Variants in JMJD1C observed in about 807,000 individuals in gnomAD.
JMJD1C encodes the protein jumonji domain containing 1C.
In JMJD1C, 31 loss-of-function variants were observed where a neutral mutation model predicts 245.3. The observed-to-expected ratio is 0.13, with a 90% confidence interval of 0.09 to 0.17. JMJD1C has a LOEUF of 0.17. JMJD1C is among the 10% of genes least tolerant of loss of function. The pLI, the probability that JMJD1C is intolerant of heterozygous loss-of-function variation, is 1.00. For missense variants in JMJD1C, 2,691 were observed against 3,000.2 expected (o/e 0.90, Z 2.41); for synonymous variants, 1,057 against 1,017.4 (o/e 1.04, Z -0.74).
intron 1 of JMJD1C, among the ~76,000 whole-genome samples, chr10:63,505,988 C>A (rs1954707264): frequency 6.6e-6 from 1 of 152,086 alleles, no homozygotes; most frequent in Non-Finnish European, 1.5e-5. Flanking sequence ...TTACTGGTAT[C>A]CACACATTCT....
intron 1 of JMJD1C, among the ~76,000 whole-genome samples, chr10:63,464,578 C>A (rs1953051750): frequency 1.3e-5 from 2 of 152,144 alleles, no homozygotes; most frequent in African/African-American, 2.4e-5. Flanking sequence ...CCGCCCCTTA[C>A]CTTCAAGCTG....
At chr10:63,343,061 T>TA (rs1197321801) in intron 2 of JMJD1C, among the ~76,000 whole-genome samples, 5 of 152,086 alleles carry the variant, frequency 3.3e-5, no homozygotes, top group Admixed American at 6.6e-5. Flanking sequence ...CAACCTGCAT[T>TA]AAAAAAATAA....
intron 1 of JMJD1C, among the ~76,000 whole-genome samples, chr10:63,384,851 C>A: frequency 6.6e-6 from 1 of 152,168 alleles, no homozygotes; most frequent in African/African-American, 2.4e-5. Flanking sequence ...ACTGGAGTAG[C>A]ACTTTTAATT....
chr10:63,418,444 T>C (rs1027455956), intron 1 of JMJD1C, among the ~76,000 whole-genome samples: 10 of 152,160 alleles, frequency 6.6e-5, no homozygotes, highest in African/African-American at 2.4e-4. Flanking sequence ...GCCACTAACA[T>C]CCAAATTTAT....
At chr10:63,385,818 A>G (rs766398610) in intron 1 of JMJD1C, among the ~76,000 whole-genome samples, 10 of 152,140 alleles carry the variant, frequency 6.6e-5, no homozygotes, top group African/African-American at 2.4e-4. Context: ...TAAAAAATGT[A>G]TATTTACTTA....
intron 1 of JMJD1C, among the ~76,000 whole-genome samples, chr10:63,385,649 T>A (rs1343045249): frequency 6.6e-6 from 1 of 151,832 alleles, no homozygotes; most frequent in Admixed American, 6.6e-5. Context: ...TCTTGCTATA[T>A]TGTTCAGGCT....
chr10:63,271,694 T>C (rs556944325), intron 2 of JMJD1C, among the ~76,000 whole-genome samples: 129 of 152,236 alleles, frequency 8.5e-4, no homozygotes, highest in African/African-American at 3.0e-3. Flanking sequence ...TGGGATTACA[T>C]GCATGCACCA....
intron 2 of JMJD1C, among the ~76,000 whole-genome samples, chr10:63,312,170 C>T (rs905964267): frequency 1.0e-4 from 15 of 147,186 alleles, no homozygotes; most frequent in Middle Eastern, 3.5e-3. Flanking sequence ...TGCAATGGCA[C>T]GATCTCGGCT....
chr10:63,186,509 C>T, intron 18 of JMJD1C, 126 bp from the exon 19 acceptor site: 2 of 643,492 alleles, frequency 3.1e-6, no homozygotes, highest in Admixed American at 7.2e-5. Context: ...CCTCATCATA[C>T]CTGACTGTCA....
intron 2 of JMJD1C, among the ~76,000 whole-genome samples, chr10:63,277,280 T>C (rs1210493902): frequency 2.7e-5 from 4 of 148,722 alleles, no homozygotes; most frequent in Non-Finnish European, 6.0e-5. Context: ...GCAACCGGCC[T>C]GAGCCACCGA....
chr10:63,410,719 A>G (rs1260139882), intron 1 of JMJD1C, among the ~76,000 whole-genome samples: 1 of 152,132 alleles, frequency 6.6e-6, no homozygotes, highest in Non-Finnish European at 1.5e-5. Context: ...ATTTTATTAT[A>G]ATACTCTATT....
At chr10:63,286,636 T>C (rs1858008872) in intron 2 of JMJD1C, among the ~76,000 whole-genome samples, 1 of 152,190 alleles carries the variant, frequency 6.6e-6, no homozygotes. Flanking sequence ...ATAGAGGCCC[T>C]TTAAACTTTA....
chr10:63,481,669 T>C (rs1953834609), intron 1 of JMJD1C, among the ~76,000 whole-genome samples: 1 of 152,182 alleles, frequency 6.6e-6, no homozygotes, highest in South Asian at 2.1e-4. Flanking sequence ...ATAACCTCAC[T>C]TAGTAGATAC....
intron 2 of JMJD1C, among the ~76,000 whole-genome samples, chr10:63,361,719 TAAAAAAAAAAAAAA>T (rs55879769): frequency 2.1e-5 from 2 of 95,548 alleles, no homozygotes; most frequent in East Asian, 7.1e-4. Context: ...CTGTCTCAAC[TAAAAAAAAAAAAAA>T]AAAAAAAAAA....
intron 2 of JMJD1C, among the ~76,000 whole-genome samples, chr10:63,297,271 G>A (rs1166272179): frequency 6.6e-6 from 1 of 152,126 alleles, no homozygotes. Context: ...TTGGCCAGTC[G>A]GATAGTGCTT....
intron 22 of JMJD1C, among the ~76,000 whole-genome samples, chr10:63,179,388 A>G (rs1843202740): frequency 6.6e-6 from 1 of 151,864 alleles, no homozygotes; most frequent in African/African-American, 2.4e-5. Flanking sequence ...CAGCCTGGGC[A>G]ACAAGAGCAA....
At chr10:63,190,332 T>C (rs1844634237) in intron 17 of JMJD1C, among the ~76,000 whole-genome samples, 1 of 152,000 alleles carries the variant, frequency 6.6e-6, no homozygotes, top group Non-Finnish European at 1.5e-5. Flanking sequence ...GCCTCCCAAG[T>C]AGCTGGGATT....
chr10:63,355,497 C>T (rs1944757748), intron 2 of JMJD1C, among the ~76,000 whole-genome samples: 1 of 152,082 alleles, frequency 6.6e-6, no homozygotes, highest in South Asian at 2.1e-4. Context: ...ATCCCTATTG[C>T]CTTCATTTAT....
chr10:63,398,742 C>T (rs1243437932), intron 1 of JMJD1C, among the ~76,000 whole-genome samples: 8 of 152,026 alleles, frequency 5.3e-5, no homozygotes, highest in African/African-American at 1.9e-4. Context: ...CTCCCAGGTT[C>T]GAGCGATTCT....
Sources: allele counts gnomAD v4.1 joint callset (sites outside exome capture counted in the v4.1 genomes callset), GRCh38; gene constraint gnomAD v4.1.1; transcripts MANE v1.5; gene names NCBI Gene and HGNC (gene_info 2026-07-23, HGNC 2026-07-21).